Variants in RAD51B observed in about 807,000 individuals in gnomAD.
RAD51B encodes the protein RAD51 paralog B, also known as DNA repair protein RAD51 homolog 2.
A neutral mutation model predicts 42.2 loss-of-function variants in RAD51B; 38 were observed. The ratio of observed to expected loss-of-function variants is 0.90; its 90% CI spans 0.70 to 1.18. RAD51B has a LOEUF of 1.18. RAD51B is among the 50% of genes most tolerant of loss of function. RAD51B has a pLI of 0.00. For synonymous variants in RAD51B, 154 were observed against 145.2 expected (o/e 1.06, Z -0.43); for missense variants, 373 against 400.7 (o/e 0.93, Z 0.59).
intron 8 of RAD51B, among the ~76,000 whole-genome samples, chr14:68,296,796 G>A (rs1030801173): frequency 6.6e-6 from 1 of 152,180 alleles, no homozygotes; most frequent in Admixed American, 6.5e-5. Flanking sequence ...ACATTATTAG[G>A]CTGCCATCTT....
chr14:67,982,039 C>A (rs1458866494), intron 7 of RAD51B, among the ~76,000 whole-genome samples: 2 of 152,132 alleles, frequency 1.3e-5, no homozygotes, highest in Non-Finnish European at 2.9e-5. Flanking sequence ...CAGGTTCAAG[C>A]AATTCTCCTG....
chr14:68,127,538 T>C (rs2077788891), intron 7 of RAD51B, among the ~76,000 whole-genome samples: 1 of 151,698 alleles, frequency 6.6e-6, no homozygotes, highest in Admixed American at 6.6e-5. Context: ...ATGGGAAATA[T>C]AGGGGCTCAT....
intron 7 of RAD51B, among the ~76,000 whole-genome samples, chr14:68,096,459 AC>A (rs1334470058): frequency 1.3e-5 from 2 of 152,172 alleles, no homozygotes; most frequent in Admixed American, 1.3e-4. Context: ...AGCTGCTTTT[AC>A]CTCTTGCAGA....
intron 8 of RAD51B, among the ~76,000 whole-genome samples, chr14:68,327,799 G>T (rs1413493229): frequency 1.3e-5 from 2 of 151,974 alleles, no homozygotes; most frequent in East Asian, 3.8e-4. Flanking sequence ...GACTATAAAA[G>T]GAAAAATAAA....
At chr14:67,845,744 T>TC (rs144368203) in intron 4 of RAD51B, among the ~76,000 whole-genome samples, 3,708 of 152,260 alleles carry the variant, frequency 0.024, 74 homozygotes, top group African/African-American at 0.056. Context: ...TTGAATATAG[T>TC]CCTCCAATCT....
intron 8 of RAD51B, among the ~76,000 whole-genome samples, chr14:68,374,798 T>C (rs2083332622): frequency 6.7e-6 from 1 of 150,258 alleles, no homozygotes; most frequent in African/African-American, 2.5e-5. Flanking sequence ...TTTAGGTAAC[T>C]TTGGTATGCT....
At chr14:67,960,148 T>C (rs2074634266) in intron 7 of RAD51B, among the ~76,000 whole-genome samples, 1 of 151,860 alleles carries the variant, frequency 6.6e-6, no homozygotes, top group South Asian at 2.1e-4. Context: ...TATGCAAACA[T>C]AACGTTCTAT....
chr14:68,099,364 G>C (rs1213635737), intron 7 of RAD51B, among the ~76,000 whole-genome samples: 1 of 152,218 alleles, frequency 6.6e-6, no homozygotes, highest in South Asian at 2.1e-4. Context: ...ACCATAATTA[G>C]ATATAGATAC....
At chr14:68,038,633 T>G (rs1260437937) in intron 7 of RAD51B, among the ~76,000 whole-genome samples, 4 of 152,210 alleles carry the variant, frequency 2.6e-5, no homozygotes. Context: ...TGCAAGAATT[T>G]TTTAACTTAG....
At chr14:68,247,280 T>C (rs904116554) in intron 7 of RAD51B, among the ~76,000 whole-genome samples, 5 of 152,206 alleles carry the variant, frequency 3.3e-5, no homozygotes, top group African/African-American at 1.2e-4. Context: ...GTATGTAACT[T>C]GTAGGACATT....
chr14:67,911,882 G>A (rs1307907696), intron 7 of RAD51B, among the ~76,000 whole-genome samples: 2 of 152,088 alleles, frequency 1.3e-5, no homozygotes, highest in African/African-American at 4.8e-5. Flanking sequence ...AACCATTACT[G>A]TCTGGGGAGC....
intron 10 of RAD51B, among the ~76,000 whole-genome samples, chr14:68,564,672 G>A (rs984722714): frequency 6.6e-6 from 1 of 152,224 alleles, no homozygotes; most frequent in African/African-American, 2.4e-5. Context: ...CACCACAAGG[G>A]CACCTTCCCA....
intron 9 of RAD51B, among the ~76,000 whole-genome samples, chr14:68,430,471 G>A (rs933746578): frequency 6.6e-5 from 10 of 152,106 alleles, no homozygotes; most frequent in African/African-American, 2.4e-4. Flanking sequence ...CACATCCCTT[G>A]GAAGTTGGAT....
chr14:68,164,820 A>G (rs1439641668), intron 7 of RAD51B, among the ~76,000 whole-genome samples: 1 of 152,152 alleles, frequency 6.6e-6, no homozygotes, highest in Non-Finnish European at 1.5e-5. Flanking sequence ...GTAGTTAATT[A>G]TTCTCAGATC....
chr14:68,064,152 T>C (rs1566616696), intron 7 of RAD51B, among the ~76,000 whole-genome samples: 1 of 152,252 alleles, frequency 6.6e-6, no homozygotes, highest in African/African-American at 2.4e-5. Flanking sequence ...TGGTGATGAA[T>C]TCTCTCAGTG....
At chr14:68,587,561 G>A (rs921935414) in intron 10 of RAD51B, among the ~76,000 whole-genome samples, 2 of 152,054 alleles carry the variant, frequency 1.3e-5, no homozygotes, top group Admixed American at 6.5e-5. Context: ...GGTCTGAGCA[G>A]GAAATTCCCG....
At chr14:68,140,217 G>A (rs1414865153) in intron 7 of RAD51B, among the ~76,000 whole-genome samples, 1 of 152,182 alleles carries the variant, frequency 6.6e-6, no homozygotes, top group Non-Finnish European at 1.5e-5. Context: ...TATTACACAA[G>A]ACCAAACACT....
Position 68,495,905 on chromosome 14 carries a change from G to A in RAD51B, c.1036+27655G>A, listed in dbSNP as rs1277819008. ...TCAAGCAAAGATGCTGCCCTAACACGCAAGTCCAGTGGCTTTAAGAGTCAT... is the reference window on the plus strand; with the variant it reads ...TCAAGCAAAGATGCTGCCCTAACACACAAGTCCAGTGGCTTTAAGAGTCAT... On this transcript the variant is annotated intron_variant, in intron 10 of 10. Coordinates refer to the RAD51B transcript ENST00000487270. Among the ~76,000 whole-genome samples the A allele has an allele frequency of 6.6e-5, 10 of 152,160 alleles. No individual in the cohort carries two copies. The South Asian group carries it at 1.2e-3, about 19-fold the overall frequency.
chr14:68,142,876 A>C (rs1223003481), intron 7 of RAD51B, among the ~76,000 whole-genome samples: 1 of 152,038 alleles, frequency 6.6e-6, no homozygotes, highest in Non-Finnish European at 1.5e-5. Flanking sequence ...GAGAGTCAGA[A>C]CACATCACAG....
Sources: gnomAD v4.1 joint callset for allele counts (sites outside exome capture counted in the v4.1 genomes callset) on GRCh38, gnomAD v4.1.1 for gene constraint, MANE v1.5 for transcripts, NCBI Gene and HGNC (gene_info 2026-07-23, HGNC 2026-07-21) for gene names.